Variants in CACUL1 observed in about 807,000 individuals in gnomAD.
The protein encoded by CACUL1 is CDK2 associated cullin domain 1, also known as CDK2-associated and cullin domain-containing protein 1.
In CACUL1, 13 loss-of-function variants were observed where a neutral mutation model predicts 45.2. The observed-to-expected ratio is 0.29, with a 90% CI of 0.19 to 0.46. The LOEUF is 0.46. CACUL1 is among the 20% of genes least tolerant of loss of function. The probability of loss-of-function intolerance (pLI) is 1.00; values close to 1 mark genes in which losing one functional copy is unlikely to be tolerated. For missense variants in CACUL1, 421 were observed against 471.4 expected, an observed-to-expected ratio of 0.89 and a Z score of 0.99; for synonymous variants, 197 against 174.2, an observed-to-expected ratio of 1.13 and a Z score of -1.03.
intron 7 of CACUL1, among the ~76,000 whole-genome samples, chr10:118,690,239 TGCA>T (rs910303800): frequency 4.3e-5 from 6 of 139,948 alleles, no homozygotes; most frequent in Non-Finnish European, 9.0e-5. Flanking sequence ...AAGCGGAGCT[TGCA>T]GTGAGCCGAG....
At chr10:118,732,562 A>G (rs992099750) in intron 1 of CACUL1, among the ~76,000 whole-genome samples, 8 of 152,136 alleles carry the variant, frequency 5.3e-5, no homozygotes, top group South Asian at 4.2e-4. Context: ...AGCAGCCTTC[A>G]ACCAATGACT....
At chr10:118,746,421 C>T (rs536286124) in intron 1 of CACUL1, among the ~76,000 whole-genome samples, 68 of 152,240 alleles carry the variant, frequency 4.5e-4, no homozygotes, top group African/African-American at 1.6e-3. Flanking sequence ...ATAAACGGAG[C>T]CTCAATCCTT....
At chr10:118,712,907 G>A (rs1193859848) in intron 3 of CACUL1, among the ~76,000 whole-genome samples, 2 of 152,224 alleles carry the variant, frequency 1.3e-5, no homozygotes, top group African/African-American at 2.4e-5. Context: ...CAGTCTGTAG[G>A]ACTGGCAGCC....
At chr10:118,750,247 A>C (rs564128146) in intron 1 of CACUL1, among the ~76,000 whole-genome samples, 9 of 152,142 alleles carry the variant, frequency 5.9e-5, no homozygotes, top group Admixed American at 1.3e-4. Flanking sequence ...AATTGCTTGA[A>C]TCCGGGAGGC....
chr10:118,692,033 A>T (rs1202760517), intron 6 of CACUL1, among the ~76,000 whole-genome samples: 3 of 152,138 alleles, frequency 2.0e-5, no homozygotes, highest in Admixed American at 2.0e-4. Flanking sequence ...TTACCAAACA[A>T]TTCTGAGTGG....
intron 3 of CACUL1, among the ~76,000 whole-genome samples, chr10:118,716,853 C>T (rs1157354215): frequency 5.9e-5 from 9 of 152,164 alleles, no homozygotes; most frequent in African/African-American, 1.2e-4. Flanking sequence ...CCACCCGCCT[C>T]GGCCTCCCAA....
intron 4 of CACUL1, among the ~76,000 whole-genome samples, chr10:118,703,061 G>A (rs1299657262): frequency 1.3e-5 from 2 of 152,060 alleles, no homozygotes; most frequent in Admixed American, 6.5e-5. Context: ...TGAGCAGCTG[G>A]GATCACAGAT....
At chr10:118,731,853 C>T (rs1845700186) in intron 1 of CACUL1, among the ~76,000 whole-genome samples, 1 of 152,086 alleles carries the variant, frequency 6.6e-6, no homozygotes, top group Non-Finnish European at 1.5e-5. Context: ...ATCAACAAGG[C>T]TGTAGTGGTA....
chr10:118,716,231 C>CA (rs1340982412), intron 3 of CACUL1, among the ~76,000 whole-genome samples: 220 of 124,026 alleles, frequency 1.8e-3, no homozygotes, highest in Middle Eastern at 4.2e-3. Flanking sequence ...GACTCCGTCT[C>CA]AAAAAAAAAA....
chr10:118,709,594 C>G (rs528008886), intron 3 of CACUL1, among the ~76,000 whole-genome samples: 1 of 152,302 alleles, frequency 6.6e-6, no homozygotes, highest in East Asian at 1.9e-4. Flanking sequence ...CTTGTGGCAG[C>G]CCCACAGCTT....
At chr10:118,735,656 G>A (rs1192605928) in intron 1 of CACUL1, among the ~76,000 whole-genome samples, 1 of 152,084 alleles carries the variant, frequency 6.6e-6, no homozygotes, top group Non-Finnish European at 1.5e-5. Flanking sequence ...TCAACACCTT[G>A]GAGAGTCAAA....
At chr10:118,691,625 T>C (rs1413350786) in intron 6 of CACUL1, 1 of 392,232 alleles carries the variant, frequency 2.5e-6, no homozygotes, top group Non-Finnish European at 4.7e-6. Flanking sequence ...CCTAGCACTT[T>C]GGGAGGCCGA....
chr10:118,707,383 A>T (rs1589607212), intron 4 of CACUL1, 109 bp downstream of exon 4: 1 of 516,804 alleles, frequency 1.9e-6, no homozygotes, highest in Non-Finnish European at 3.4e-6. Flanking sequence ...TTCCATTTCT[A>T]ACACAAATGT....
chr10:118,698,027 CTAA>C (rs1178226077), intron 5 of CACUL1, among the ~76,000 whole-genome samples: 1 of 152,246 alleles, frequency 6.6e-6, no homozygotes, highest in African/African-American at 2.4e-5. Flanking sequence ...ATGAAACATA[CTAA>C]TAATGAATAA....
intron 1 of CACUL1, among the ~76,000 whole-genome samples, chr10:118,740,042 G>C (rs1047567198): frequency 6.6e-6 from 1 of 152,142 alleles, no homozygotes; most frequent in African/African-American, 2.4e-5. Context: ...AGCTACTCAG[G>C]AGACTGAGGT....
intron 1 of CACUL1, among the ~76,000 whole-genome samples, chr10:118,745,758 C>A (rs1845837625): frequency 6.6e-6 from 1 of 151,698 alleles, no homozygotes; most frequent in Non-Finnish European, 1.5e-5. Flanking sequence ...GTACTTTACA[C>A]AAAAAATAAA....
At chr10:118,751,162 G>T (rs1031023938) in intron 1 of CACUL1, among the ~76,000 whole-genome samples, 1 of 152,116 alleles carries the variant, frequency 6.6e-6, no homozygotes, top group Admixed American at 6.5e-5. Context: ...GTAGTCCCTT[G>T]TCTAGTCAGA....
intron 1 of CACUL1, among the ~76,000 whole-genome samples, chr10:118,744,312 G>A (rs1400637005): frequency 6.6e-6 from 1 of 152,094 alleles, no homozygotes; most frequent in Non-Finnish European, 1.5e-5. Flanking sequence ...CTTGAGCCCG[G>A]GAGGTGGAGG....
intron 5 of CACUL1, among the ~76,000 whole-genome samples, chr10:118,696,990 A>C (rs201125615): frequency 7.2e-6 from 1 of 138,620 alleles, no homozygotes; most frequent in African/African-American, 2.9e-5. Context: ...AAATTTGATA[A>C]AGAAATGATA....
Sources: allele counts gnomAD v4.1 joint callset (sites outside exome capture counted in the v4.1 genomes callset), GRCh38; gene constraint gnomAD v4.1.1; transcripts MANE v1.5; gene names NCBI Gene and HGNC (gene_info 2026-07-23, HGNC 2026-07-21).